KLRD1: variants seen among roughly 807,000 people sequenced by gnomAD.
The protein encoded by KLRD1 is natural killer cells antigen CD94.
KLRD1 carries 21 observed loss-of-function variants against 22.6 expected under a neutral mutation model. The observed-to-expected ratio is 0.93, with a 90% CI of 0.66 to 1.34. KLRD1 has a LOEUF of 1.34. Ranked by LOEUF, KLRD1 falls within the 40% of genes most tolerant of loss-of-function variation. KLRD1 has a pLI of 0.00. For synonymous variants in KLRD1, 59 were observed against 71.1 expected, an observed-to-expected ratio of 0.83 and a Z score of 0.85; for missense variants, 183 against 208.6, an observed-to-expected ratio of 0.88 and a Z score of 0.76.
chr12:10,284,202 C>T (rs978199746), intron 1 of KLRD1, among the ~76,000 whole-genome samples: 29 of 151,662 alleles, frequency 1.9e-4, no homozygotes, highest in East Asian at 3.9e-4. Flanking sequence ...ACAACAGTAA[C>T]AACAACAACA....
intron 1 of KLRD1, among the ~76,000 whole-genome samples, chr12:10,278,443 T>C (rs1169129731): frequency 6.6e-6 from 1 of 152,182 alleles, no homozygotes; most frequent in Non-Finnish European, 1.5e-5. Context: ...AGGCATCTGG[T>C]ATTGTTAAGC....
intron 3 of KLRD1, 34 bp downstream of exon 3, chr12:10,309,722 TAAAAGA>T (rs775387223): frequency 5.3e-5 from 76 of 1,425,678 alleles, no homozygotes; most frequent in Middle Eastern, 5.2e-4. Flanking sequence ...TTAGCATTGG[TAAAAGA>T]TTAAATAGGC....
chr12:10,242,528 G>C (rs1200458170), intron 1 of KLRD1, among the ~76,000 whole-genome samples: 1 of 152,102 alleles, frequency 6.6e-6, no homozygotes, highest in Non-Finnish European at 1.5e-5. Flanking sequence ...TCAACATATT[G>C]ATTTCAATTC....
chr12:10,313,625 A>G, intron 5 of KLRD1, 112 bp downstream of exon 5: 1 of 542,948 alleles, frequency 1.8e-6, no homozygotes, highest in Non-Finnish European at 3.3e-6. Flanking sequence ...TGTCTAGGGC[A>G]TGAGAATACA....
At chr12:10,249,000 G>A (rs1378362385) in intron 1 of KLRD1, among the ~76,000 whole-genome samples, 1 of 152,042 alleles carries the variant, frequency 6.6e-6, no homozygotes, top group Admixed American at 6.5e-5. Context: ...ATTTTAACAT[G>A]TTCACACTTG....
chr12:10,315,283 CTAATTTT>C lies in KLRD1; in HGVS notation c.*506_*512del, dbSNP rs1177613623. 4.5e-6 allele frequency: 2 copies of C among 444,602 alleles called. No homozygotes were observed. The highest frequency in any genetic ancestry group is 9.0e-6 in the Non-Finnish European group (2 of 221,326). 27.5% of individuals were successfully genotyped at this position (444,602 alleles called of 1,614,324 possible). A position where few individuals can be genotyped will look rare whatever the true frequency, so the allele number is the denominator to read the frequency against. On this transcript the variant is annotated 3_prime_UTR_variant, in exon 6 of 6. Coordinates refer to ENST00000336164, the MANE Select transcript of KLRD1 (RefSeq NM_002262.5). Reference sequence around the variant, plus strand: ...GCAGGCACCATGTCACTATGCCCGACTAATTTTTAATTTTTAATTTTTTGTCAAGACA... The same window carrying C: ...GCAGGCACCATGTCACTATGCCCGACTAATTTTTAATTTTTTGTCAAGACA...
chr12:10,311,620 G>T lies in KLRD1; in HGVS notation c.315+5G>T, dbSNP rs1195467597. On this transcript the variant is annotated splice_donor_5th_base_variant and intron_variant, in intron 4 of 5. Coordinates refer to ENST00000336164, the MANE Select transcript of KLRD1 (RefSeq NM_002262.5). Reference sequence around the variant, plus strand: ...CTTCAAAACACAGATGAACTGGCATGTGCTGAGTCTGATTTTCTACATTTT... The same window carrying T: ...CTTCAAAACACAGATGAACTGGCATTTGCTGAGTCTGATTTTCTACATTTT... 1.2e-6 allele frequency: 2 copies of T among 1,612,540 alleles called. No homozygotes were observed. The highest frequency in any genetic ancestry group is 3.3e-5 in the Admixed American group (2 of 59,796).
chr12:10,244,992 C>T (rs976825569), intron 1 of KLRD1, among the ~76,000 whole-genome samples: 3 of 152,060 alleles, frequency 2.0e-5, no homozygotes, highest in Non-Finnish European at 4.4e-5. Context: ...TAATTATTGT[C>T]ATAATGCAGC....
Position 10,315,143 on chromosome 12 carries a change from A to C in KLRD1, c.*350A>C. 1 of 266,376 alleles carries C rather than the reference A, an allele frequency of 3.8e-6. No individual in the cohort carries two copies. Among genetic ancestry groups the C allele is most frequent in the South Asian group, 3.7e-5 (1 of 26,730 alleles). The allele number at this position is 266,376 out of a possible 1,614,324, so 16.5% of individuals were successfully genotyped here. Reference sequence around the variant, plus strand: ...ATAAGATTTAATTCACATCAAATAAAATTTAGAAAATAAAATTTAACTCAC... The same window carrying C: ...ATAAGATTTAATTCACATCAAATAACATTTAGAAAATAAAATTTAACTCAC... On this transcript the variant is annotated 3_prime_UTR_variant, in exon 6 of 6. Transcript: ENST00000336164.
At chr12:10,242,522 CAT>C (rs1249317395) in intron 1 of KLRD1, among the ~76,000 whole-genome samples, 1 of 152,108 alleles carries the variant, frequency 6.6e-6, no homozygotes, top group African/African-American at 2.4e-5. Flanking sequence ...ATATCTTCAA[CAT>C]ATTGATTTCA....
intron 5 of KLRD1, 104 bp from the exon 6 acceptor site, chr12:10,314,569 T>C (rs965131603): frequency 1.6e-5 from 16 of 1,002,686 alleles, no homozygotes; most frequent in Middle Eastern, 3.4e-4. Context: ...AATATGTTAG[T>C]ATCTCACTCA....
chr12:10,273,364 T>G lies in KLRD1; in HGVS notation c.-100-34614T>G, dbSNP rs140831140. Among the ~76,000 whole-genome samples the G allele has an allele frequency of 9.3e-4, 142 of 152,360 alleles. 1 individual carries two copies. The East Asian group carries it at 0.022, about 24-fold the overall frequency. On this transcript the variant is annotated intron_variant, in intron 1 of 5. Coordinates refer to the KLRD1 transcript ENST00000544747. The stretch of plus-strand genomic sequence containing the variant: ...TTGTAATAGAATAAGATTATATGTC[T>G]GACCTGAAAAGATTGTAATGTAATA...
At chr12:10,263,614 C>A (rs1273213171) in intron 1 of KLRD1, among the ~76,000 whole-genome samples, 1 of 151,952 alleles carries the variant, frequency 6.6e-6, no homozygotes, top group Non-Finnish European at 1.5e-5. Flanking sequence ...CAGATCTGAT[C>A]CCTGTCCAAT....
intron 1 of KLRD1, among the ~76,000 whole-genome samples, chr12:10,280,841 G>C (rs1224222724): frequency 2.0e-5 from 3 of 152,204 alleles, no homozygotes; most frequent in African/African-American, 7.2e-5. Context: ...TGTGGTGGTA[G>C]AGTTGTGAAA....
chr12:10,239,768 A>G (rs2137606965), intron 1 of KLRD1, among the ~76,000 whole-genome samples: 1 of 151,258 alleles, frequency 6.6e-6, no homozygotes, highest in South Asian at 2.1e-4. Flanking sequence ...CAGCCTCCTA[A>G]GTAGCTGGGA....
chr12:10,308,879 C>G (rs1565468555), intron 1 of KLRD1: 1 of 154,278 alleles, frequency 6.5e-6, no homozygotes, highest in East Asian at 1.9e-4. Context: ...ATGAAAGATT[C>G]TTGAGCTAGA....
intron 1 of KLRD1, among the ~76,000 whole-genome samples, chr12:10,261,593 CTATT>C (rs1592036258): frequency 1.3e-5 from 2 of 152,070 alleles, no homozygotes; most frequent in East Asian, 3.8e-4. Context: ...GCAGCTCTGA[CTATT>C]TACAAAGAAG....
chr12:10,239,453 C>CTT (rs1565443107), intron 1 of KLRD1, among the ~76,000 whole-genome samples: 4 of 21,970 alleles, frequency 1.8e-4, no homozygotes, highest in Admixed American at 8.3e-4. Flanking sequence ...TTCCTTCCTT[C>CTT]CTTCCTTCCT....
chr12:10,264,870 C>T (rs189005513), intron 1 of KLRD1, among the ~76,000 whole-genome samples: 245 of 152,106 alleles, frequency 1.6e-3, no homozygotes, highest in African/African-American at 5.7e-3. Context: ...ACTGCCTAGA[C>T]TCTGGAAACC....
Sources: gnomAD v4.1 joint callset for allele counts (sites outside exome capture counted in the v4.1 genomes callset) on GRCh38, gnomAD v4.1.1 for gene constraint, MANE v1.5 for transcripts, NCBI Gene and HGNC (gene_info 2026-07-23, HGNC 2026-07-21) for gene names.